Variants in CDK14 observed in about 807,000 individuals in gnomAD.
CDK14 encodes cyclin dependent kinase 14.
Under a neutral mutation model 60.7 loss-of-function variants are expected in CDK14, and 34 were observed. The ratio of observed to expected loss-of-function variants is 0.56; its 90% CI spans 0.43 to 0.75. The LOEUF (loss-of-function observed/expected upper bound fraction) is 0.75. Ranked by LOEUF, CDK14 falls within the 30% of genes least tolerant of loss-of-function variation. CDK14 has a pLI of 0.00. For missense variants in CDK14, 482 were observed against 564.1 expected (o/e 0.85, Z 1.47); for synonymous variants, 197 against 203.7 (o/e 0.97, Z 0.28).
intron 1 of CDK14, among the ~76,000 whole-genome samples, chr7:90,599,104 C>T (rs1447170506): frequency 6.6e-6 from 1 of 152,232 alleles, no homozygotes; most frequent in African/African-American, 2.4e-5. Flanking sequence ...GTCACACAGA[C>T]TGTTTCCCAT....
intron 3 of CDK14, among the ~76,000 whole-genome samples, chr7:90,735,423 C>T (rs1584837265): frequency 6.6e-6 from 1 of 152,196 alleles, no homozygotes; most frequent in East Asian, 1.9e-4. Context: ...CCGCCCCTTT[C>T]CCCCGTTGCT....
chr7:90,744,324 G>C (rs1012496866), intron 3 of CDK14, among the ~76,000 whole-genome samples: 1 of 152,062 alleles, frequency 6.6e-6, no homozygotes, highest in East Asian at 1.9e-4. Flanking sequence ...CACAGGGTTG[G>C]GGGTAAGGTC....
chr7:90,774,912 C>T (rs10256733), intron 4 of CDK14, among the ~76,000 whole-genome samples: 33 of 152,252 alleles, frequency 2.2e-4, no homozygotes, highest in Non-Finnish European at 3.8e-4. Context: ...TTTTTGAATG[C>T]GACATGCAAA....
At chr7:91,047,355 T>C (rs1797269275) in intron 11 of CDK14, among the ~76,000 whole-genome samples, 1 of 152,220 alleles carries the variant, frequency 6.6e-6, no homozygotes, top group Admixed American at 6.5e-5. Context: ...TGGAGTAATT[T>C]ATGTGTTTTG....
chr7:90,670,457 A>T (rs543950623), intron 2 of CDK14, among the ~76,000 whole-genome samples: 81 of 152,170 alleles, frequency 5.3e-4, no homozygotes, highest in African/African-American at 1.9e-3. Flanking sequence ...CTATTCTTGC[A>T]TTGCTATAAA....
intron 5 of CDK14, among the ~76,000 whole-genome samples, chr7:90,817,183 G>T (rs1584005714): frequency 6.6e-6 from 1 of 152,164 alleles, no homozygotes; most frequent in Non-Finnish European, 1.5e-5. Context: ...AATAGCATAT[G>T]TGGGGAAAAT....
chr7:90,947,754 A>G (rs1794141283), intron 8 of CDK14, among the ~76,000 whole-genome samples: 1 of 152,202 alleles, frequency 6.6e-6, no homozygotes, highest in Admixed American at 6.5e-5. Context: ...GAGTTTTCTC[A>G]TAAGCCTCCC....
At chr7:90,970,879 C>T (rs1794903582) in intron 9 of CDK14, among the ~76,000 whole-genome samples, 1 of 152,132 alleles carries the variant, frequency 6.6e-6, no homozygotes, top group Admixed American at 6.6e-5. Context: ...GTTGCAGTAT[C>T]TTGTGTGTAC....
At chr7:90,767,068 T>A (rs1804595699) in intron 4 of CDK14, among the ~76,000 whole-genome samples, 1 of 152,098 alleles carries the variant, frequency 6.6e-6, no homozygotes, top group South Asian at 2.1e-4. Flanking sequence ...CTAGGTGCAA[T>A]AGCCAAGCCA....
At chr7:91,199,201 G>C (rs183692578) in intron 14 of CDK14, among the ~76,000 whole-genome samples, 49 of 152,140 alleles carry the variant, frequency 3.2e-4, no homozygotes, top group Non-Finnish European at 6.0e-4. Context: ...TTTGGTGAAG[G>C]CTTTTCTATT....
rs139224882 is a variant in CDK14 at position 91,046,565 on chromosome 7, T to C, written c.1105+605T>C. ...CAGGCGTGAAACTTTGTTTTAATAA[T>C]TACACTTAACAGATGAATCTCAAAT... On this transcript the variant is annotated intron_variant, in intron 11 of 14. Coordinates refer to ENST00000380050, the MANE Select transcript of CDK14 (RefSeq NM_001287135.2). Among the ~76,000 whole-genome samples the C allele has an allele frequency of 2.1e-4, 32 of 152,240 alleles. 1 individual carries two copies. In the East Asian group the frequency reaches 6.2e-3, roughly 29 times the overall value.
chr7:91,135,055 T>A (rs1800234869), intron 14 of CDK14, among the ~76,000 whole-genome samples: 1 of 152,142 alleles, frequency 6.6e-6, no homozygotes, highest in Admixed American at 6.6e-5. Context: ...TCATTTTAAA[T>A]TTTCTTTCAC....
At chr7:90,977,420 C>T (rs1048204175) in intron 9 of CDK14, among the ~76,000 whole-genome samples, 2 of 151,648 alleles carry the variant, frequency 1.3e-5, no homozygotes, top group Admixed American at 6.6e-5. Flanking sequence ...TAGCTACATG[C>T]GGGGAAAGAG....
intron 2 of CDK14, among the ~76,000 whole-genome samples, chr7:90,657,403 T>G (rs1380103309): frequency 1.3e-5 from 2 of 152,220 alleles, no homozygotes; most frequent in African/African-American, 4.8e-5. Context: ...GATGCTAAAT[T>G]TATTAAAGTA....
intron 5 of CDK14, among the ~76,000 whole-genome samples, chr7:90,853,194 A>G (rs1790706351): frequency 6.6e-6 from 1 of 152,206 alleles, no homozygotes; most frequent in South Asian, 2.1e-4. Flanking sequence ...GAAAGGCCAT[A>G]TAATTACGAC....
chr7:90,710,351 T>C (rs538690450), intron 2 of CDK14: 6 of 985,244 alleles, frequency 6.1e-6, no homozygotes, highest in Admixed American at 1.2e-4. Flanking sequence ...TGTGCTTGGC[T>C]GAATGCCCTC....
intron 10 of CDK14, among the ~76,000 whole-genome samples, chr7:91,023,796 T>C (rs960102226): frequency 1.3e-5 from 2 of 152,148 alleles, no homozygotes; most frequent in Non-Finnish European, 2.9e-5. Flanking sequence ...AGATGGAGTC[T>C]CACCTGTCAC....
At chr7:91,098,940 T>C (rs531380466) in intron 12 of CDK14, among the ~76,000 whole-genome samples, 2 of 152,312 alleles carry the variant, frequency 1.3e-5, no homozygotes, top group South Asian at 4.1e-4. Flanking sequence ...TACTTTCAGT[T>C]CTCAGTGAAA....
chr7:90,752,759 T>C (rs1803898411), intron 4 of CDK14, among the ~76,000 whole-genome samples: 1 of 151,876 alleles, frequency 6.6e-6, no homozygotes, highest in African/African-American at 2.4e-5. Context: ...AGAACACTAA[T>C]TAAAGGAAGA....
Sources: gnomAD v4.1 joint callset for allele counts (sites outside exome capture counted in the v4.1 genomes callset) on GRCh38, gnomAD v4.1.1 for gene constraint, MANE v1.5 for transcripts, NCBI Gene and HGNC (gene_info 2026-07-23, HGNC 2026-07-21) for gene names.